The following GRID2 variants were observed in gnomAD, a reference collection of about 807,000 sequenced individuals.
The protein encoded by GRID2 is glutamate ionotropic receptor delta type subunit 2, also known as glutamate receptor ionotropic, delta-2.
In GRID2, 33 loss-of-function variants were observed where a neutral mutation model predicts 114.8. That is an observed-to-expected ratio of 0.29 (90% CI 0.22 to 0.38). GRID2 has a LOEUF of 0.38. Among genes scored for constraint, GRID2 ranks in the 10% least tolerant of loss-of-function variants. GRID2 has a pLI of 1.00. For missense variants in GRID2, 1,184 were observed against 1,257.7 expected (o/e 0.94, Z 0.89); for synonymous variants, 505 against 449.9 (o/e 1.12, Z -1.55).
intron 2 of GRID2, among the ~76,000 whole-genome samples, chr4:92,600,044 G>GTATATATGTA (rs1729143630): frequency 1.8e-5 from 1 of 54,456 alleles, no homozygotes; most frequent in Non-Finnish European, 3.4e-5. Context: ...GTGTGTGTGT[G>GTATATATGTA]TATATATATA....
At chr4:92,618,503 G>T (rs571552567) in intron 2 of GRID2, among the ~76,000 whole-genome samples, 9 of 151,612 alleles carry the variant, frequency 5.9e-5, no homozygotes, top group Non-Finnish European at 1.2e-4. Flanking sequence ...TCCTTTTGTG[G>T]TTTCATACAA....
intron 2 of GRID2, among the ~76,000 whole-genome samples, chr4:92,739,761 G>A (rs1341249418): frequency 6.6e-6 from 1 of 151,984 alleles, no homozygotes; most frequent in African/African-American, 2.4e-5. Context: ...AGGAGAAGAG[G>A]AAGAAAGGAA....
chr4:93,414,167 T>C (rs1272584797), intron 9 of GRID2, among the ~76,000 whole-genome samples: 1 of 152,168 alleles, frequency 6.6e-6, no homozygotes, highest in Non-Finnish European at 1.5e-5. Flanking sequence ...TTACCTAGAA[T>C]CCAATTATGT....
chr4:93,238,685 C>A (rs1747107022), intron 8 of GRID2, among the ~76,000 whole-genome samples, 195 bp downstream of exon 8: 1 of 151,556 alleles, frequency 6.6e-6, no homozygotes, highest in Non-Finnish European at 1.5e-5. Context: ...AATTCTATTT[C>A]CGACTTAGAA....
intron 2 of GRID2, among the ~76,000 whole-genome samples, chr4:92,864,250 C>G (rs980108820): frequency 6.6e-6 from 1 of 152,082 alleles, no homozygotes; most frequent in South Asian, 2.1e-4. Context: ...GATTGTTGAC[C>G]AAAACTTCTT....
chr4:92,656,102 G>A (rs570677105), intron 2 of GRID2, among the ~76,000 whole-genome samples: 11 of 151,474 alleles, frequency 7.3e-5, no homozygotes, highest in African/African-American at 2.2e-4. Context: ...TTATTTTTTT[G>A]AGGAACTTCC....
intron 13 of GRID2, among the ~76,000 whole-genome samples, chr4:93,615,057 C>T (rs892454169): frequency 2.6e-5 from 4 of 152,082 alleles, no homozygotes; most frequent in Admixed American, 6.5e-5. Context: ...GCCTGCATTA[C>T]GTTGATTCTG....
chr4:93,045,906 A>G (rs1170829758), intron 2 of GRID2, among the ~76,000 whole-genome samples: 1 of 152,132 alleles, frequency 6.6e-6, no homozygotes, highest in Non-Finnish European at 1.5e-5. Flanking sequence ...TGGGGGCTGT[A>G]TAATGTTCTA....
At chr4:92,872,195 A>G (rs1334440551) in intron 2 of GRID2, among the ~76,000 whole-genome samples, 4 of 152,208 alleles carry the variant, frequency 2.6e-5, no homozygotes, top group Non-Finnish European at 1.5e-5. Flanking sequence ...ATAAAATGAA[A>G]ATGTATGCCA....
intron 1 of GRID2, among the ~76,000 whole-genome samples, chr4:92,524,001 AT>A (rs1378043752): frequency 6.6e-6 from 1 of 152,056 alleles, no homozygotes; most frequent in African/African-American, 2.4e-5. Flanking sequence ...TTAAAGGGGA[AT>A]TTTACTTTAC....
At chr4:93,661,076 A>G (rs1030241690) in intron 14 of GRID2, among the ~76,000 whole-genome samples, 1 of 152,220 alleles carries the variant, frequency 6.6e-6, no homozygotes, top group African/African-American at 2.4e-5. Context: ...AGTTGTCCCC[A>G]GATATGCAGA....
chr4:93,693,071 A>G (rs1000721207), intron 14 of GRID2, among the ~76,000 whole-genome samples: 1 of 152,196 alleles, frequency 6.6e-6, no homozygotes, highest in African/African-American at 2.4e-5. Context: ...ACTACATTTC[A>G]GAAAATAAAT....
At chr4:93,139,044 A>G (rs768182931) in intron 4 of GRID2, among the ~76,000 whole-genome samples, 9 of 152,192 alleles carry the variant, frequency 5.9e-5, no homozygotes, top group African/African-American at 1.2e-4. Context: ...CTCAGGTTGT[A>G]TAAATCAGGC....
intron 1 of GRID2, among the ~76,000 whole-genome samples, chr4:92,344,429 C>T (rs1727664549): frequency 6.6e-6 from 1 of 152,150 alleles, no homozygotes; most frequent in South Asian, 2.1e-4. Context: ...TATTACCTAA[C>T]ATTTTTAAGA....
chr4:92,578,089 CT>C (rs1560468427), intron 1 of GRID2, among the ~76,000 whole-genome samples: 9 of 54,088 alleles, frequency 1.7e-4, no homozygotes, highest in Admixed American at 5.5e-4. Context: ...TCTTCTTCTT[CT>C]TCTTCTTCTT....
chr4:93,256,302 A>C (rs1749577636), intron 8 of GRID2, among the ~76,000 whole-genome samples: 1 of 152,062 alleles, frequency 6.6e-6, no homozygotes, highest in Non-Finnish European at 1.5e-5. Context: ...ATATATTTTG[A>C]TTGAAAATAC....
chr4:93,177,530 A>G (rs1330279654), intron 4 of GRID2, among the ~76,000 whole-genome samples: 1 of 152,184 alleles, frequency 6.6e-6, no homozygotes, highest in Admixed American at 6.5e-5. Flanking sequence ...TTCTTGAGCA[A>G]AAGTGTTTCC....
At chr4:93,764,064 C>A (rs1015612745) in intron 14 of GRID2, among the ~76,000 whole-genome samples, 1 of 152,116 alleles carries the variant, frequency 6.6e-6, no homozygotes, top group East Asian at 1.9e-4. Context: ...ATTTGAAAAT[C>A]ATTTCCTAGA....
At chr4:93,435,732 C>T (rs1721019177) in intron 10 of GRID2, among the ~76,000 whole-genome samples, 1 of 152,130 alleles carries the variant, frequency 6.6e-6, no homozygotes, top group African/African-American at 2.4e-5. Flanking sequence ...GTCACATAGC[C>T]AATAACTGGA....
Sources: gnomAD v4.1 joint callset for allele counts (sites outside exome capture counted in the v4.1 genomes callset) on GRCh38, gnomAD v4.1.1 for gene constraint, MANE v1.5 for transcripts, NCBI Gene and HGNC (gene_info 2026-07-23, HGNC 2026-07-21) for gene names.